Variants in TUSC3 observed in about 807,000 individuals in gnomAD.
TUSC3 encodes the protein tumor suppressor candidate 3.
A neutral mutation model predicts 44.8 loss-of-function variants in TUSC3; 45 were observed. The ratio of observed to expected loss-of-function variants is 1.00; its 90% CI spans 0.79 to 1.29. TUSC3 has a LOEUF of 1.29. Among genes scored for constraint, TUSC3 ranks in the 50% most tolerant of loss-of-function variants. The pLI is 0.00. For missense variants in TUSC3, 519 were observed against 437.9 expected (o/e 1.19, Z -1.65); for synonymous variants, 212 against 152.9 (o/e 1.39, Z -2.85).
rs189481134 is a variant in TUSC3 at position 15,722,323 on chromosome 8, A to C, written c.799-8343A>C. On this transcript the variant is annotated intron_variant, in intron 6 of 10. Coordinates refer to ENST00000503731, the MANE Select transcript of TUSC3 (RefSeq NM_006765.4). ...TGACAGGGTAATAAAGGTAAAGCTC[A>C]TCAGGAGAGCTATTTCTCCATTTTA... 1.4e-3 allele frequency among the ~76,000 whole-genome samples: 215 copies of C among 151,638 alleles called. 2 individuals carry two copies. The highest frequency in any genetic ancestry group is 4.3e-3 in the Admixed American group (65 of 15,186).
intron 2 of TUSC3, among the ~76,000 whole-genome samples, chr8:15,644,505 G>T (rs970135168): frequency 5.3e-5 from 8 of 152,126 alleles, no homozygotes; most frequent in Non-Finnish European, 1.2e-4. Flanking sequence ...ATAAGCTTTC[G>T]TAATGTCTCA....
intron 1 of TUSC3, among the ~76,000 whole-genome samples, chr8:15,455,433 G>C (rs537254962): frequency 6.6e-6 from 1 of 150,840 alleles, no homozygotes; most frequent in African/African-American, 2.4e-5. Flanking sequence ...ATGTATACAC[G>C]TATATGTATA....
the TUSC3 span, among the ~76,000 whole-genome samples, chr8:15,803,537 G>A: frequency 2.6e-5 from 4 of 152,242 alleles, no homozygotes; most frequent in Admixed American, 2.0e-4. Flanking sequence ...AGCATAAAAG[G>A]TTAAATAGAT....
intron 4 of TUSC3, among the ~76,000 whole-genome samples, chr8:15,660,904 TAAAA>T (rs60971907): frequency 3.2e-5 from 3 of 95,220 alleles, no homozygotes; most frequent in Non-Finnish European, 7.0e-5. Flanking sequence ...AAACTTTTGT[TAAAA>T]AAAAAAAAAA....
At chr8:15,824,616 G>C in the TUSC3 span, among the ~76,000 whole-genome samples, 24 of 152,124 alleles carry the variant, frequency 1.6e-4, no homozygotes, top group African/African-American at 5.5e-4. Context: ...TGTGGGGTGG[G>C]GGGAAGGGGG....
intron 4 of TUSC3, among the ~76,000 whole-genome samples, chr8:15,661,384 A>G (rs1237009428): frequency 6.6e-6 from 1 of 151,974 alleles, no homozygotes; most frequent in Non-Finnish European, 1.5e-5. Flanking sequence ...TCTCTTTAAA[A>G]ACATTGACAC....
At chr8:15,849,863 G>C in the TUSC3 span, among the ~76,000 whole-genome samples, 1 of 152,098 alleles carries the variant, frequency 6.6e-6, no homozygotes. Context: ...TCACTCCAGT[G>C]CTGAGCTCCA....
At position 15,665,101 on chromosome 8, in the gene TUSC3, G is replaced by A. The variant is rs557396121; in HGVS notation, c.708+2805G>A. Among the ~76,000 whole-genome samples the A allele has an allele frequency of 3.3e-5, 5 of 151,234 alleles. No individual in the cohort carries two copies. In the South Asian group the frequency reaches 8.3e-4, roughly 25 times the overall value. On this transcript the variant is annotated intron_variant, in intron 5 of 10. Coordinates refer to ENST00000503731, the MANE Select transcript of TUSC3 (RefSeq NM_006765.4). ...AATAACTAATATCTCATTTTTCCTT[G>A]GAAGTAAGGAAAAAAATGTATATTT...
At chr8:15,684,475 G>A (rs1808547647) in intron 6 of TUSC3, among the ~76,000 whole-genome samples, 1 of 152,180 alleles carries the variant, frequency 6.6e-6, no homozygotes, top group South Asian at 2.1e-4. Context: ...TCTCCCGCCA[G>A]TGTCTGCACC....
chr8:15,659,246 C>T (rs1807311953), intron 3 of TUSC3, among the ~76,000 whole-genome samples: 1 of 151,950 alleles, frequency 6.6e-6, no homozygotes, highest in South Asian at 2.1e-4. Context: ...AACGAAATGA[C>T]TTACAAAATA....
At chr8:15,505,336 T>C (rs936162186) in intron 2 of TUSC3, among the ~76,000 whole-genome samples, 2 of 152,240 alleles carry the variant, frequency 1.3e-5, no homozygotes, top group Admixed American at 6.5e-5. Flanking sequence ...GGCCAGACTT[T>C]TCATGTGTTA....
intron 1 of TUSC3, 39 bp downstream of exon 1, chr8:15,540,607 G>A (rs868567966): frequency 4.6e-6 from 7 of 1,514,508 alleles, no homozygotes; most frequent in Middle Eastern, 1.8e-4. Flanking sequence ...GTGGGCGGGG[G>A]CGGGCCAGGG....
chr8:15,491,662 G>T (rs796838268), intron 2 of TUSC3, among the ~76,000 whole-genome samples: 3 of 152,268 alleles, frequency 2.0e-5, no homozygotes, highest in South Asian at 2.1e-4. Context: ...TCTTTCTCCA[G>T]CTGATTTACA....
the TUSC3 span, among the ~76,000 whole-genome samples, chr8:15,811,286 A>G: frequency 1.3e-5 from 2 of 152,176 alleles, no homozygotes; most frequent in African/African-American, 4.8e-5. Context: ...GTTTAGGGGT[A>G]GCAGTCGCTC....
chr8:15,570,602 A>G (rs554492003), intron 1 of TUSC3, among the ~76,000 whole-genome samples: 1 of 152,278 alleles, frequency 6.6e-6, no homozygotes, highest in South Asian at 2.1e-4. Flanking sequence ...AATGATAACT[A>G]CCATTTATTT....
downstream of TUSC3, among the ~76,000 whole-genome samples, chr8:15,766,816 G>A (rs531465366): frequency 1.4e-4 from 22 of 152,214 alleles, 1 homozygote; most frequent in South Asian, 3.3e-3. Flanking sequence ...CTAAGGGTAC[G>A]TGAAGGGAGT....
intron 1 of TUSC3, among the ~76,000 whole-genome samples, chr8:15,451,751 C>G (rs1002481354): frequency 6.6e-6 from 1 of 152,112 alleles, no homozygotes; most frequent in African/African-American, 2.4e-5. Flanking sequence ...TATTGTGTGA[C>G]TGAGTCCTTC....
chr8:15,677,899 T>C (rs59105885), intron 6 of TUSC3, among the ~76,000 whole-genome samples: 3 of 152,116 alleles, frequency 2.0e-5, no homozygotes, highest in Non-Finnish European at 4.4e-5. Flanking sequence ...ATAAGCACTT[T>C]TAAAAGTTGA....
chr8:15,487,354 G>A (rs1381442559), intron 2 of TUSC3, among the ~76,000 whole-genome samples: 1 of 152,096 alleles, frequency 6.6e-6, no homozygotes, highest in Non-Finnish European at 1.5e-5. Flanking sequence ...GTGTTCATCA[G>A]TGTTCATATT....
Sources: gnomAD v4.1 joint callset for allele counts (sites outside exome capture counted in the v4.1 genomes callset) on GRCh38, gnomAD v4.1.1 for gene constraint, MANE v1.5 for transcripts, NCBI Gene and HGNC (gene_info 2026-07-23, HGNC 2026-07-21) for gene names.